Variants in EYS observed in about 807,000 individuals in gnomAD.
The protein encoded by EYS is EGF-like photoreceptor maintenance factor.
Under a neutral mutation model 282.1 loss-of-function variants are expected in EYS, and 250 were observed. That is an observed-to-expected ratio of 0.89 (90% CI 0.80 to 0.98). The LOEUF (loss-of-function observed/expected upper bound fraction) is 0.98, where lower values mean the gene tolerates loss of function less well. Among genes scored for constraint, EYS ranks in the 50% least tolerant of loss-of-function variants. EYS has a pLI of 0.00. For missense variants in EYS, 4,016 were observed against 3,709.0 expected, an observed-to-expected ratio of 1.08 and a Z score of -2.15; for synonymous variants, 1,355 against 1,282.9, an observed-to-expected ratio of 1.06 and a Z score of -1.20.
chr6:64,713,390 G>A (rs1032340525), intron 22 of EYS: 10 of 152,064 alleles, frequency 6.6e-5, no homozygotes, highest in South Asian at 2.1e-4. Flanking sequence ...TGCTGTCAGC[G>A]TGAAAACACT....
chr6:65,028,541 T>C (rs1235823281), intron 13 of EYS, among the ~76,000 whole-genome samples: 2 of 151,970 alleles, frequency 1.3e-5, no homozygotes, highest in Non-Finnish European at 1.5e-5. Context: ...TTTAGTATAG[T>C]TTTCACATAA....
chr6:63,846,840 T>C (rs938658263), intron 36 of EYS, among the ~76,000 whole-genome samples: 10 of 152,168 alleles, frequency 6.6e-5, no homozygotes, highest in Admixed American at 5.9e-4. Context: ...GTCTTTGGGG[T>C]CAATAAAAAA....
intron 36 of EYS, among the ~76,000 whole-genome samples, chr6:63,819,679 T>C (rs552316225): frequency 1.2e-3 from 183 of 152,330 alleles, no homozygotes; most frequent in African/African-American, 3.8e-3. Flanking sequence ...TCAGTATCTC[T>C]CCCTGCCTTA....
intron 12 of EYS, among the ~76,000 whole-genome samples, chr6:65,119,058 A>G (rs2150194297): frequency 6.6e-6 from 1 of 152,272 alleles, no homozygotes; most frequent in Non-Finnish European, 1.5e-5. Flanking sequence ...AAATGGAATG[A>G]GGGGAGAAAA....
At chr6:63,892,566 T>C (rs527922893) in intron 35 of EYS, among the ~76,000 whole-genome samples, 3 of 152,284 alleles carry the variant, frequency 2.0e-5, no homozygotes, top group Admixed American at 6.5e-5. Context: ...TTAAATCTTA[T>C]ACAAAAATCA....
intron 30 of EYS, among the ~76,000 whole-genome samples, chr6:64,288,100 TC>T (rs1156656175): frequency 3.3e-5 from 5 of 152,128 alleles, no homozygotes; most frequent in Non-Finnish European, 7.4e-5. Flanking sequence ...AAAAGCCAGT[TC>T]TTTCATGCAT....
intron 31 of EYS, among the ~76,000 whole-genome samples, chr6:64,224,993 G>A (rs1766213091): frequency 6.6e-6 from 1 of 152,000 alleles, no homozygotes; most frequent in Admixed American, 6.6e-5. Flanking sequence ...TTGAGGTTTT[G>A]CCAATTAGTC....
intron 5 of EYS, among the ~76,000 whole-genome samples, chr6:65,487,010 T>C (rs1394696132): frequency 6.9e-6 from 1 of 144,604 alleles, no homozygotes; most frequent in African/African-American, 2.4e-5. Context: ...CTTGTGATTT[T>C]TCAACAATGA....
chr6:64,495,183 G>A (rs1776852746), intron 26 of EYS, among the ~76,000 whole-genome samples: 1 of 151,708 alleles, frequency 6.6e-6, no homozygotes, highest in South Asian at 2.1e-4. Flanking sequence ...TTGGCCATAT[G>A]TGATACATAC....
intron 5 of EYS, among the ~76,000 whole-genome samples, chr6:65,410,086 T>G (rs756295738): frequency 1.3e-5 from 2 of 152,092 alleles, no homozygotes; most frequent in Non-Finnish European, 1.5e-5. Context: ...TGTTTAGTGG[T>G]ACTTAATTAG....
intron 26 of EYS, among the ~76,000 whole-genome samples, chr6:64,586,719 C>T (rs1001553762): frequency 2.0e-5 from 3 of 151,954 alleles, no homozygotes; most frequent in Non-Finnish European, 2.9e-5. Context: ...GGAGGAAATG[C>T]CCCTTTGTCA....
At chr6:65,309,440 T>C (rs1769097333) in intron 11 of EYS, among the ~76,000 whole-genome samples, 1 of 152,204 alleles carries the variant, frequency 6.6e-6, no homozygotes, top group Admixed American at 6.5e-5. Context: ...CCTGATAGAC[T>C]TGTCATATCT....
At chr6:64,452,304 A>T (rs1775380567) in intron 26 of EYS, among the ~76,000 whole-genome samples, 1 of 152,152 alleles carries the variant, frequency 6.6e-6, no homozygotes, top group Non-Finnish European at 1.5e-5. Flanking sequence ...CTTACAAGGG[A>T]TGTGAAGGAC....
intron 30 of EYS, among the ~76,000 whole-genome samples, chr6:64,289,186 T>G (rs1412255057): frequency 6.6e-6 from 1 of 152,060 alleles, no homozygotes; most frequent in East Asian, 1.9e-4. Context: ...ACACCAAACA[T>G]GGCAATATTA....
chr6:63,755,261 T>G (rs1476327060), intron 41 of EYS, among the ~76,000 whole-genome samples: 1 of 152,166 alleles, frequency 6.6e-6, no homozygotes, highest in Admixed American at 6.5e-5. Flanking sequence ...ATGAAGTCTT[T>G]GCCCATGCCT....
intron 31 of EYS, among the ~76,000 whole-genome samples, chr6:64,200,779 T>G (rs187346671): frequency 1.3e-5 from 2 of 152,288 alleles, no homozygotes; most frequent in Non-Finnish European, 1.5e-5. Flanking sequence ...ATAATTTGTA[T>G]TATTTTTTAA....
At chr6:64,393,909 A>T (rs557827837) in intron 28 of EYS, among the ~76,000 whole-genome samples, 3 of 152,020 alleles carry the variant, frequency 2.0e-5, no homozygotes, top group Non-Finnish European at 4.4e-5. Flanking sequence ...AAATCTCCTT[A>T]AGCTGATAAG....
intron 12 of EYS, among the ~76,000 whole-genome samples, chr6:65,274,068 C>T (rs1311388467): frequency 6.6e-6 from 1 of 152,058 alleles, no homozygotes; most frequent in African/African-American, 2.4e-5. Flanking sequence ...TCACAAGGGG[C>T]CCAGTGAGTC....
intron 15 of EYS, among the ~76,000 whole-genome samples, chr6:64,919,419 CTT>C (rs370375636): frequency 5.9e-5 from 8 of 135,500 alleles, no homozygotes; most frequent in Non-Finnish European, 7.8e-5. Flanking sequence ...TTCTTTTTTT[CTT>C]TTTTTTTTTT....
Sources: gnomAD v4.1 joint callset for allele counts (sites outside exome capture counted in the v4.1 genomes callset) on GRCh38, gnomAD v4.1.1 for gene constraint, MANE v1.5 for transcripts, NCBI Gene and HGNC (gene_info 2026-07-23, HGNC 2026-07-21) for gene names.